KDM4C: variants seen among roughly 807,000 people sequenced by gnomAD.
The protein encoded by KDM4C is lysine demethylase 4C, also known as lysine-specific demethylase 4C.
A neutral mutation model predicts 129.3 loss-of-function variants in KDM4C; 81 were observed. That is an observed-to-expected ratio of 0.63 (90% confidence interval 0.52 to 0.75). KDM4C has a LOEUF of 0.75. KDM4C is among the 30% of genes least tolerant of loss of function. The pLI is 0.00. For missense variants in KDM4C, 1,457 were observed against 1,304.0 expected (o/e 1.12, Z -1.81); for synonymous variants, 573 against 456.1 (o/e 1.26, Z -3.26).
chr9:7,077,340 C>G, intron 17 of KDM4C: 1 of 501,712 alleles, frequency 2.0e-6, no homozygotes, highest in Non-Finnish European at 2.6e-6. Flanking sequence ...ATGCCCCTCC[C>G]CTCAACTACG....
In KDM4C at chr9:6,984,261, A is replaced by T. The variant is rs1217840025; in HGVS notation, c.1211A>T (p.Asp404Val). ...EVDGAEVPNP[D>V]SVTDDLKVSE... ...GATGGGGCAGAGGTCCCTAACCCCG[A>T]CTCAGTCACAGATGACCTCAAGGTC... is the stretch of plus-strand genomic sequence containing the variant. The change falls in exon 10 of 22, where the codon GAC becomes GTC. Residue 404 changes from aspartate to valine, a missense_variant. Transcript: ENST00000381309. 3 of 1,614,000 alleles carry T rather than the reference A, an allele frequency of 1.9e-6. No individual in the cohort carries two copies. The highest frequency in any genetic ancestry group is 1.1e-5 in the South Asian group (1 of 91,084).
At chr9:6,781,691 A>G (rs1824365220) in intron 1 of KDM4C, among the ~76,000 whole-genome samples, 1 of 152,314 alleles carries the variant, frequency 6.6e-6, no homozygotes, top group East Asian at 1.9e-4. Context: ...GAGCTGAAAC[A>G]AGAAAGCCTT....
At chr9:6,788,098 C>G (rs1280981729) in intron 1 of KDM4C, among the ~76,000 whole-genome samples, 1 of 152,136 alleles carries the variant, frequency 6.6e-6, no homozygotes, top group East Asian at 1.9e-4. Context: ...GATTAATTCC[C>G]TCCTTCAGCC....
At chr9:6,964,626 C>CA (rs1317669409) in intron 8 of KDM4C, among the ~76,000 whole-genome samples, 5 of 151,678 alleles carry the variant, frequency 3.3e-5, no homozygotes, top group African/African-American at 9.7e-5. Context: ...CTAAAAAATA[C>CA]AAAAAATTAG....
chr9:7,049,111 G>T lies in KDM4C; in HGVS notation c.2335G>T (p.Ala779Ser), dbSNP rs761092067. 4.3e-6 allele frequency: 7 copies of T among 1,611,796 alleles called. No individual in the cohort carries two copies. Among genetic ancestry groups the T allele is most frequent in the Non-Finnish European group, 5.9e-6 (7 of 1,178,430 alleles). Residue 779 changes from alanine to serine, a missense_variant, in exon 17 of 22, where the codon GCC becomes TCC. Physicochemically the swap from Ala to Ser is moderately conservative, Grantham distance 99 (BLOSUM62 1). Coordinates refer to ENST00000381309, the MANE Select transcript of KDM4C (RefSeq NM_015061.6). ...CTGTAGGTGGGCCCATGTCATGTGC[G>T]CCGTTGCGGTCCCAGAAGTTCGATT... Reference protein sequence around the residue: ...KNNKWAHVMCAVAVPEVRFTN... With the variant: ...KNNKWAHVMCSVAVPEVRFTN...
intron 3 of KDM4C, among the ~76,000 whole-genome samples, chr9:6,811,289 G>A (rs1183765761): frequency 6.6e-6 from 1 of 152,110 alleles, no homozygotes; most frequent in Non-Finnish European, 1.5e-5. Context: ...GAGCAGCTGG[G>A]ACCACAGGTG....
At chr9:6,878,041 G>T (rs541884335) in intron 5 of KDM4C, among the ~76,000 whole-genome samples, 4 of 152,348 alleles carry the variant, frequency 2.6e-5, no homozygotes, top group Non-Finnish European at 5.9e-5. Context: ...GCATGGAGAT[G>T]AGTGGGTTCA....
At chr9:7,022,064 A>G (rs569968925) in intron 15 of KDM4C, among the ~76,000 whole-genome samples, 1 of 152,090 alleles carries the variant, frequency 6.6e-6, no homozygotes, top group Non-Finnish European at 1.5e-5. Context: ...ACAGCTCTGT[A>G]TTATAATTTT....
intron 8 of KDM4C, among the ~76,000 whole-genome samples, chr9:6,972,061 A>G (rs1453220643): frequency 2.0e-5 from 3 of 152,170 alleles, no homozygotes; most frequent in African/African-American, 7.2e-5. Flanking sequence ...AATACACAAA[A>G]TATGATTACA....
At chr9:7,057,766 A>C (rs1464556344) in intron 17 of KDM4C, among the ~76,000 whole-genome samples, 1 of 152,200 alleles carries the variant, frequency 6.6e-6, no homozygotes, top group Non-Finnish European at 1.5e-5. Context: ...CCGAGGGAGC[A>C]GGGCATAGAA....
At chr9:6,971,862 G>A (rs986021164) in intron 8 of KDM4C, among the ~76,000 whole-genome samples, 7 of 152,044 alleles carry the variant, frequency 4.6e-5, no homozygotes, top group African/African-American at 9.7e-5. Flanking sequence ...GTCAACATTC[G>A]ATTTTAATTT....
At chr9:6,859,758 C>T (rs548076879) in intron 5 of KDM4C, among the ~76,000 whole-genome samples, 1 of 148,910 alleles carries the variant, frequency 6.7e-6, no homozygotes, top group South Asian at 2.2e-4. Context: ...CCTAGCTACT[C>T]GGGAGGTGGG....
intron 8 of KDM4C, among the ~76,000 whole-genome samples, chr9:6,966,797 T>A (rs1259462724): frequency 2.6e-5 from 4 of 152,160 alleles, no homozygotes; most frequent in Non-Finnish European, 5.9e-5. Flanking sequence ...AATTCAAGAT[T>A]TATCTTAGAC....
chr9:6,890,399 C>G (rs780596420), intron 7 of KDM4C, among the ~76,000 whole-genome samples: 1 of 152,182 alleles, frequency 6.6e-6, no homozygotes, highest in Non-Finnish European at 1.5e-5. Flanking sequence ...CAGCCCTCTT[C>G]CTGTAGGTAA....
At position 7,103,810 on chromosome 9, in the gene KDM4C, T is replaced by C. The variant is rs200498436; in HGVS notation, c.2550T>C (p.Pro850=). The C allele has an allele frequency of 1.2e-6, 2 of 1,614,058 alleles. No homozygotes were observed. Among genetic ancestry groups the C allele is most frequent in the East Asian group, 2.2e-5 (1 of 44,870 alleles). The part of the protein sequence containing the change: ...CAHAAGVLME[P]DDWPYVVNIT... ...ATGCTGCTGGGGTACTGATGGAGCC[T>C]GATGACTGGCCTTATGTGGTGAACA... Residue 850 remains proline (P), a synonymous_variant, in exon 18 of 22, where the codon CCT becomes CCC. Coordinates refer to ENST00000381309, the MANE Select transcript of KDM4C (RefSeq NM_015061.6).
At chr9:6,844,745 T>C (rs867233071) in intron 4 of KDM4C, among the ~76,000 whole-genome samples, 23 of 152,184 alleles carry the variant, frequency 1.5e-4, no homozygotes, top group African/African-American at 5.3e-4. Flanking sequence ...TGAAGTGCAG[T>C]GGCATGATCT....
chr9:6,930,767 T>C (rs1026784316), intron 8 of KDM4C, among the ~76,000 whole-genome samples: 1 of 149,930 alleles, frequency 6.7e-6, no homozygotes, highest in Middle Eastern at 3.2e-3. Flanking sequence ...ATGATATTCA[T>C]GTATCATTCT....
At chr9:7,169,912 T>C (rs748294663) in intron 21 of KDM4C, 22 bp downstream of exon 21, 124 of 1,613,610 alleles carry the variant, frequency 7.7e-5, no homozygotes, top group Middle Eastern at 4.9e-4. Flanking sequence ...CAGATGCCAC[T>C]TGGGGACCTG....
intron 5 of KDM4C, among the ~76,000 whole-genome samples, chr9:6,865,008 C>CTTTTTTTTTTTTTTTTTTTTTTT (rs777981928): frequency 1.6e-5 from 2 of 126,586 alleles, no homozygotes; most frequent in Non-Finnish European, 1.6e-5. Context: ...AAATTTCTTT[C>CTTTTTTTTTTTTTTTTTTTTTTT]TTTTTTTTTT....
Sources: gnomAD v4.1 joint callset for allele counts (sites outside exome capture counted in the v4.1 genomes callset) on GRCh38, gnomAD v4.1.1 for gene constraint, MANE v1.5 for transcripts, NCBI Gene and HGNC (gene_info 2026-07-23, HGNC 2026-07-21) for gene names.